The following SGCZ variants were observed in gnomAD, a reference collection of about 807,000 sequenced individuals.
SGCZ encodes sarcoglycan zeta, also known as zeta-sarcoglycan.
A neutral mutation model predicts 41.3 loss-of-function variants in SGCZ; 40 were observed. The observed-to-expected ratio is 0.97, with a 90% CI of 0.75 to 1.26. The LOEUF (loss-of-function observed/expected upper bound fraction) is 1.26, where lower values mean the gene tolerates loss of function less well. Ranked by LOEUF, SGCZ falls within the 50% of genes most tolerant of loss-of-function variation. The probability of loss-of-function intolerance (pLI) is 0.00; values close to 1 mark genes in which losing one functional copy is unlikely to be tolerated. For synonymous variants in SGCZ, 206 were observed against 137.5 expected (o/e 1.50, Z -3.49); for missense variants, 552 against 369.8 (o/e 1.49, Z -4.04).
At chr8:14,254,026 C>G (rs932036591) in intron 3 of SGCZ, among the ~76,000 whole-genome samples, 1 of 152,094 alleles carries the variant, frequency 6.6e-6, no homozygotes, top group African/African-American at 2.4e-5. Flanking sequence ...TAAAACAGTA[C>G]TTCTTCCAAA....
At chr8:14,880,623 A>C (rs1016930216) in intron 1 of SGCZ, among the ~76,000 whole-genome samples, 1 of 152,226 alleles carries the variant, frequency 6.6e-6, no homozygotes, top group Admixed American at 6.5e-5. Context: ...CTATGCAGCC[A>C]TGAAAAACGA....
At chr8:14,221,413 T>G (rs1806190084) in intron 4 of SGCZ, among the ~76,000 whole-genome samples, 1 of 152,216 alleles carries the variant, frequency 6.6e-6, no homozygotes, top group Non-Finnish European at 1.5e-5. Flanking sequence ...TTTGCTGTGT[T>G]GTGTATCCAT....
chr8:15,048,207 T>A (rs1804381579), intron 1 of SGCZ, among the ~76,000 whole-genome samples: 1 of 152,070 alleles, frequency 6.6e-6, no homozygotes, highest in South Asian at 2.1e-4. Context: ...AGTCATTATG[T>A]TAAGTGAAAC....
chr8:14,653,749 T>G (rs1037756396), intron 1 of SGCZ, among the ~76,000 whole-genome samples: 1 of 152,032 alleles, frequency 6.6e-6, no homozygotes, highest in African/African-American at 2.4e-5. Context: ...CGCAATGCCA[T>G]TGGCAATACA....
intron 1 of SGCZ, among the ~76,000 whole-genome samples, chr8:15,095,018 A>C (rs1039229757): frequency 6.6e-6 from 1 of 152,202 alleles, no homozygotes; most frequent in Non-Finnish European, 1.5e-5. Flanking sequence ...ATTTCACCCA[A>C]AACGAATGCA....
At position 14,557,706 on chromosome 8, in the gene SGCZ, G is replaced by C. The variant is rs149660911; in HGVS notation, c.40-2780C>G. Among the ~76,000 whole-genome samples, 425 of 151,922 alleles carry C rather than the reference G, an allele frequency of 2.8e-3. 3 individuals are homozygous for C. The highest frequency in any genetic ancestry group is 9.9e-3 in the African/African-American group (410 of 41,462). On this transcript the variant is annotated intron_variant, in intron 1 of 7. Transcript: ENST00000382080. ...TGTCCTTTCCCTACTTCGTGTTTTT[G>C]TTTGCTTTGTTAAACACAAATAGAG...
At chr8:14,838,669 CCTGGACCAAAA>C in intron 1 of SGCZ, among the ~76,000 whole-genome samples, 1 of 152,300 alleles carries the variant, frequency 6.6e-6, no homozygotes, top group African/African-American at 2.4e-5. Context: ...TTTTCTGCTA[CCTGGACCAAAA>C]CTGGACCCTT....
At chr8:15,052,862 C>T (rs1054794596) in intron 1 of SGCZ, among the ~76,000 whole-genome samples, 3 of 152,112 alleles carry the variant, frequency 2.0e-5, no homozygotes, top group Non-Finnish European at 4.4e-5. Flanking sequence ...ACTGAACTCT[C>T]TATGAAAAAC....
chr8:15,201,594 G>C (rs944327282), intron 1 of SGCZ, among the ~76,000 whole-genome samples: 1 of 152,152 alleles, frequency 6.6e-6, no homozygotes, highest in Non-Finnish European at 1.5e-5. Flanking sequence ...TTCATGCATT[G>C]AGTCTGCATC....
intron 1 of SGCZ, among the ~76,000 whole-genome samples, chr8:14,891,542 G>T (rs1261639613): frequency 6.6e-6 from 1 of 152,130 alleles, no homozygotes; most frequent in African/African-American, 2.4e-5. Context: ...TGGTATCTAG[G>T]CATATAATCT....
At chr8:14,672,795 A>G (rs1403937116) in intron 1 of SGCZ, among the ~76,000 whole-genome samples, 1 of 151,862 alleles carries the variant, frequency 6.6e-6, no homozygotes, top group African/African-American at 2.4e-5. Flanking sequence ...TACTAGTAAG[A>G]CCTCTTTGCT....
At chr8:14,331,778 A>T (rs933387506) in intron 2 of SGCZ, among the ~76,000 whole-genome samples, 3 of 151,798 alleles carry the variant, frequency 2.0e-5, no homozygotes, top group Non-Finnish European at 4.4e-5. Flanking sequence ...ATTAAATATA[A>T]TATTAAATAT....
At chr8:14,807,012 C>A (rs1023792307) in intron 1 of SGCZ, among the ~76,000 whole-genome samples, 1 of 152,016 alleles carries the variant, frequency 6.6e-6, no homozygotes, top group Non-Finnish European at 1.5e-5. Context: ...GCAGAAAAGG[C>A]CTTTGACAAA....
chr8:14,597,592 C>CT (rs1458800453), intron 1 of SGCZ, among the ~76,000 whole-genome samples: 1 of 152,160 alleles, frequency 6.6e-6, no homozygotes, highest in African/African-American at 2.4e-5. Context: ...TTCTCCCTGC[C>CT]TCAGCCTCTA....
chr8:14,173,460 GT>G (rs1388426590), intron 4 of SGCZ, among the ~76,000 whole-genome samples: 1 of 150,288 alleles, frequency 6.7e-6, no homozygotes, highest in East Asian at 2.0e-4. Flanking sequence ...AATTCAATAT[GT>G]TAAGTGAAAA....
intron 1 of SGCZ, among the ~76,000 whole-genome samples, chr8:15,091,139 T>C (rs1429755480): frequency 1.3e-5 from 2 of 152,212 alleles, no homozygotes; most frequent in Non-Finnish European, 2.9e-5. Context: ...TCTTTATATT[T>C]TTTTGGCCAG....
At position 14,569,546 on chromosome 8, in the gene SGCZ, A is replaced by G. The variant is rs111547509; in HGVS notation, c.40-14620T>C. On this transcript the variant is annotated intron_variant, in intron 1 of 7. Coordinates refer to ENST00000382080, the MANE Select transcript of SGCZ (RefSeq NM_139167.4). ...GGAAGCACTCTTCTAGAAGCTATGGATAGAATAGTGACATGAGCAAACAAA... is the reference window on the plus strand; with the variant it reads ...GGAAGCACTCTTCTAGAAGCTATGGGTAGAATAGTGACATGAGCAAACAAA... 2.5e-3 allele frequency among the ~76,000 whole-genome samples: 377 copies of G among 152,320 alleles called. 2 individuals are homozygous for G. The highest frequency in any genetic ancestry group is 8.6e-3 in the African/African-American group (359 of 41,578).
rs188042385 is a variant in SGCZ at position 14,239,960 on chromosome 8, T to C, written c.337-2281A>G. On this transcript the variant is annotated intron_variant, in intron 3 of 7. Coordinates refer to ENST00000382080, the MANE Select transcript of SGCZ (RefSeq NM_139167.4). ...AAGAATTACTGCCTTATTACACATG[T>C]TAAAATAGAATAATTAGGTTGAGAA... 2.1e-3 allele frequency among the ~76,000 whole-genome samples: 303 copies of C among 144,404 alleles called. 2 individuals are homozygous for C. The highest frequency in any genetic ancestry group is 3.8e-3 in the Middle Eastern group (1 of 260). 94.7% of individuals were successfully genotyped at this position (144,404 alleles called of 152,430 possible). A position where few individuals can be genotyped will look rare whatever the true frequency, so the allele number is the denominator to read the frequency against.
intron 1 of SGCZ, among the ~76,000 whole-genome samples, chr8:14,806,697 G>C (rs570426319): frequency 1.3e-5 from 2 of 152,058 alleles, no homozygotes; most frequent in Admixed American, 6.6e-5. Flanking sequence ...TTACAATCAA[G>C]AGAAAAAGAG....
Sources: allele counts gnomAD v4.1 joint callset (sites outside exome capture counted in the v4.1 genomes callset), GRCh38; gene constraint gnomAD v4.1.1; transcripts MANE v1.5; gene names NCBI Gene and HGNC (gene_info 2026-07-23, HGNC 2026-07-21).